AR: variants seen among roughly 807,000 people sequenced by gnomAD.
AR encodes the protein dihydrotestosterone receptor.
In AR, 8 loss-of-function variants were observed where a neutral mutation model predicts 53.9. The observed-to-expected ratio is 0.15, with a 90% CI of 0.09 to 0.27. The LOEUF is 0.27. Ranked by LOEUF, AR falls within the 10% of genes least tolerant of loss-of-function variation. The pLI is 1.00. For missense variants in AR, 639 were observed against 742.5 expected (o/e 0.86, Z 1.62); for synonymous variants, 359 against 316.4 (o/e 1.13, Z -1.43).
intron 1 of AR, among the ~76,000 whole-genome samples, chrX:67,612,067 A>G (rs1017462844): frequency 2.7e-5 from 3 of 112,616 alleles, no homozygotes; most frequent in Non-Finnish European, 5.6e-5. Flanking sequence ...CAAATGTGCA[A>G]ATATTTTAAC....
At chrX:67,615,693 C>A (rs1924083928) in intron 1 of AR, among the ~76,000 whole-genome samples, 1 of 111,132 alleles carries the variant, frequency 9.0e-6, no homozygotes, top group African/African-American at 3.3e-5. Context: ...AAATCAATTT[C>A]TTAAAGCACT....
At chrX:67,571,666 G>A (rs1921818594) in intron 1 of AR, among the ~76,000 whole-genome samples, 1 of 111,096 alleles carries the variant, frequency 9.0e-6, no homozygotes, top group Non-Finnish European at 1.9e-5. Flanking sequence ...GTAAGATTAG[G>A]AGAGGGATAT....
At chrX:67,664,469 C>G (rs1390210052) in intron 2 of AR, among the ~76,000 whole-genome samples, 2 of 111,777 alleles carry the variant, frequency 1.8e-5, no homozygotes, top group African/African-American at 6.5e-5. Flanking sequence ...TTGATCATTC[C>G]TCTGGAAGTT....
At position 67,726,469 on chromosome X, in the gene AR, A is replaced by G. The variant is rs1380154303; in HGVS notation, c.*2628A>G. On this transcript the variant is annotated 3_prime_UTR_variant, in exon 8 of 8. Transcript: ENST00000374690. ...GTAAATACTAGAAGCTCTCCTTTAC[A>G]TTTCTCTATCAAATTTTTCATCTTT... 5.8e-6 allele frequency: 1 copy of G among 173,875 alleles called. No homozygotes were observed. Among genetic ancestry groups the G allele is most frequent in the African/African-American group, 2.9e-5 (1 of 33,948 alleles). 14.3% of individuals were successfully genotyped at this position (173,875 alleles called of 1,213,427 possible).
chrX:67,619,255 G>C (rs746037721), intron 1 of AR, among the ~76,000 whole-genome samples: 3 of 111,138 alleles, frequency 2.7e-5, no homozygotes, highest in Admixed American at 9.6e-5. Context: ...GACTGGAGAG[G>C]ATCAGACAGG....
At chrX:67,602,336 A>G (rs1923412402) in intron 1 of AR, among the ~76,000 whole-genome samples, 1 of 111,728 alleles carries the variant, frequency 9.0e-6, no homozygotes, top group Non-Finnish European at 1.9e-5. Flanking sequence ...GAATTCTAGA[A>G]TGACCCTGAA....
chrX:67,578,231 G>C (rs1333228292), intron 1 of AR, among the ~76,000 whole-genome samples: 10 of 111,271 alleles, frequency 9.0e-5, no homozygotes, highest in Non-Finnish European at 1.9e-5. Context: ...ATATGAACCT[G>C]GTAGAAAAGT....
intron 1 of AR, among the ~76,000 whole-genome samples, chrX:67,642,365 C>T (rs1329923178): frequency 1.8e-5 from 2 of 111,756 alleles, no homozygotes; most frequent in African/African-American, 6.5e-5. Flanking sequence ...AATTAACCTT[C>T]CATGAAGGTT....
At chrX:67,695,930 G>A in intron 3 of AR, 1 of 753,700 alleles carries the variant, frequency 1.3e-6, no homozygotes, top group Non-Finnish European at 1.6e-6. Context: ...CCTTCTCAGG[G>A]CAGAATTTTA....
chrX:67,697,154 C>T (rs2076024287), intron 3 of AR, among the ~76,000 whole-genome samples: 1 of 111,943 alleles, frequency 8.9e-6, no homozygotes, highest in African/African-American at 3.2e-5. Flanking sequence ...GCCACATGCT[C>T]AGGCCCACTT....
intron 1 of AR, among the ~76,000 whole-genome samples, chrX:67,582,911 T>G (rs1300432111): frequency 2.7e-5 from 3 of 111,931 alleles, no homozygotes; most frequent in African/African-American, 6.5e-5. Context: ...GTGAAGACTT[T>G]TCACATGGAG....
At position 67,709,080 on chromosome X, in the gene AR, G is replaced by A. The variant is rs1478812417; in HGVS notation, c.1886-2322G>A. ...TGGGTGTCTCCCAGTTAGGCTACTC[G>A]GGGGTCAGGGAGCCACTTGAGGAGG... On this transcript the variant is annotated intron_variant, in intron 3 of 7. Coordinates refer to ENST00000374690, the MANE Select transcript of AR (RefSeq NM_000044.6). Among the ~76,000 whole-genome samples the A allele has an allele frequency of 2.7e-5, 3 of 112,065 alleles. No individual in the cohort carries two copies. In the Admixed American group the frequency reaches 2.8e-4, roughly 11 times the overall value.
chrX:67,621,071 AT>A (rs1461912749), intron 1 of AR, among the ~76,000 whole-genome samples: 3 of 111,960 alleles, frequency 2.7e-5, no homozygotes, highest in Non-Finnish European at 5.6e-5. Context: ...TCCAAATTCT[AT>A]GCCGTGGAAG....
At chrX:67,635,835 T>C (rs1057185768) in intron 1 of AR, among the ~76,000 whole-genome samples, 7 of 111,592 alleles carry the variant, frequency 6.3e-5, no homozygotes, top group African/African-American at 2.3e-4. Flanking sequence ...TAAGTGAACG[T>C]GTAACCCTCG....
intron 2 of AR, among the ~76,000 whole-genome samples, chrX:67,675,648 G>T (rs1185209290): frequency 8.9e-6 from 1 of 111,880 alleles, no homozygotes; most frequent in Non-Finnish European, 1.9e-5. Flanking sequence ...ACACCATGTG[G>T]TTGCTGCTGG....
intron 5 of AR, among the ~76,000 whole-genome samples, chrX:67,719,160 C>T (rs1470051249): frequency 2.7e-5 from 3 of 111,982 alleles, no homozygotes; most frequent in South Asian, 3.8e-4. Flanking sequence ...CCCTGCCAGC[C>T]TGGTAGCCAA....
At chrX:67,564,596 AT>A (rs769250211) in intron 1 of AR, among the ~76,000 whole-genome samples, 60 of 111,237 alleles carry the variant, frequency 5.4e-4, no homozygotes, top group African/African-American at 1.9e-3. Context: ...TCTGATAGTT[AT>A]TTTTATTTCT....
intron 2 of AR, among the ~76,000 whole-genome samples, chrX:67,681,735 A>G (rs938008280): frequency 8.9e-6 from 1 of 112,479 alleles, no homozygotes; most frequent in African/African-American, 3.2e-5. Flanking sequence ...ATTCAAGAAA[A>G]GATAGGACAA....
At chrX:67,681,865 G>A (rs1304241337) in intron 2 of AR, among the ~76,000 whole-genome samples, 1 of 112,210 alleles carries the variant, frequency 8.9e-6, no homozygotes, top group Non-Finnish European at 1.9e-5. Flanking sequence ...CTTATGGACT[G>A]TGATTTGCAG....
Sources: allele counts gnomAD v4.1 joint callset (sites outside exome capture counted in the v4.1 genomes callset), GRCh38; gene constraint gnomAD v4.1.1; transcripts MANE v1.5; gene names NCBI Gene and HGNC (gene_info 2026-07-23, HGNC 2026-07-21).